The following DYNC2H1 variants were observed in gnomAD, a reference collection of about 807,000 sequenced individuals.
DYNC2H1 encodes the protein cytoplasmic dynein 2 heavy chain 1.
In DYNC2H1, 410 loss-of-function variants were observed where a neutral mutation model predicts 570.0. The ratio of observed to expected loss-of-function variants is 0.72; its 90% CI spans 0.66 to 0.78. The LOEUF is 0.78. Ranked by LOEUF, DYNC2H1 falls within the 30% of genes least tolerant of loss-of-function variation. The pLI is 0.00. For synonymous variants in DYNC2H1, 1,688 were observed against 1,677.6 expected (o/e 1.01, Z -0.15); for missense variants, 4,865 against 5,046.4 (o/e 0.96, Z 1.09).
intron 87 of DYNC2H1, among the ~76,000 whole-genome samples, chr11:103,462,417 T>G (rs1256183749): frequency 6.6e-6 from 1 of 152,192 alleles, no homozygotes; most frequent in East Asian, 1.9e-4. Context: ...TTAGTCATGC[T>G]AACATTGATT....
Position 103,461,900 on chromosome 11 carries a change from C to T in DYNC2H1, c.12648+5544C>T, listed in dbSNP as rs1341632168. 4.0e-5 allele frequency among the ~76,000 whole-genome samples: 6 copies of T among 151,618 alleles called. No individual in the cohort carries two copies. The South Asian group carries it at 1.3e-3, about 32-fold the overall frequency. ...ATTTCAGACATCATTTTATTTTACC[C>T]CTCTATGGTTCTGAATGTGTTTCTT... On this transcript the variant is annotated intron_variant, in intron 87 of 88. Transcript: ENST00000375735. The surrounding 1 kb of genome is among the most constrained non-coding windows in gnomAD (Gnocchi z 4.8).
At chr11:103,400,169 G>C (rs1367221547) in intron 84 of DYNC2H1, among the ~76,000 whole-genome samples, 1 of 152,112 alleles carries the variant, frequency 6.6e-6, no homozygotes, top group Admixed American at 6.5e-5. Context: ...CCCTATACAT[G>C]AGCTTGAGTT....
chr11:103,182,623 T>A (rs1298318264), intron 40 of DYNC2H1, among the ~76,000 whole-genome samples: 1 of 151,826 alleles, frequency 6.6e-6, no homozygotes, highest in African/African-American at 2.4e-5. Flanking sequence ...GAGATCACAT[T>A]TGATTTTGGA....
intron 82 of DYNC2H1, among the ~76,000 whole-genome samples, chr11:103,337,886 G>C (rs1939229209): frequency 6.6e-6 from 1 of 152,088 alleles, no homozygotes; most frequent in Non-Finnish European, 1.5e-5. Flanking sequence ...AGCTTGACAT[G>C]ATCCCATTTG....
At chr11:103,255,567 G>T (rs633970) in intron 67 of DYNC2H1, 33 bp downstream of exon 67, 2 of 1,492,130 alleles carry the variant, frequency 1.3e-6, no homozygotes, top group African/African-American at 1.5e-5. Context: ...TACTTTTTTC[G>T]TATTACTTTT....
chr11:103,390,398 C>G (rs7938128), intron 83 of DYNC2H1, among the ~76,000 whole-genome samples: 1 of 150,300 alleles, frequency 6.7e-6, no homozygotes, highest in East Asian at 1.9e-4. Flanking sequence ...TGTCTCTGCA[C>G]ATGAGATGGG....
intron 63 of DYNC2H1, among the ~76,000 whole-genome samples, chr11:103,238,096 A>G (rs1311899386): frequency 6.6e-6 from 1 of 152,190 alleles, no homozygotes; most frequent in Non-Finnish European, 1.5e-5. Context: ...TAGATTTAAA[A>G]TTAGTTGTAG....
In DYNC2H1 at chr11:103,244,871, TAC is replaced by T. The variant is rs1350604183; in HGVS notation, c.9919-372_9919-371del. Among the ~76,000 whole-genome samples, 3 of 150,976 alleles carry T rather than the reference TAC, an allele frequency of 2.0e-5. No homozygotes were observed. The highest frequency in any genetic ancestry group is 4.4e-5 in the Non-Finnish European group (3 of 67,614). On this transcript the variant is annotated intron_variant, in intron 64 of 88. Coordinates refer to ENST00000375735, the MANE Select transcript of DYNC2H1 (RefSeq NM_001377.3). This position sits in a 1 kb window ranked among gnomAD's most constrained non-coding sequence, Gnocchi z 4.3. ...ATATGTACACACACACATATATATATACACACACATACCACACATACACACAC... is the reference window on the plus strand; with the variant it reads ...ATATGTACACACACACATATATATATACACACATACCACACATACACACAC...
intron 82 of DYNC2H1, among the ~76,000 whole-genome samples, chr11:103,342,305 A>G (rs2897971): frequency 0.22 from 32,836 of 151,850 alleles, 3,666 homozygotes; most frequent in Admixed American, 0.31. Flanking sequence ...TGGACCAATC[A>G]GCACCCTATA....
Position 103,348,756 on chromosome 11 carries a change from C to T in DYNC2H1, c.12040-9487C>T, listed in dbSNP as rs144255866. On this transcript the variant is annotated intron_variant, in intron 82 of 88. Coordinates refer to ENST00000375735, the MANE Select transcript of DYNC2H1 (RefSeq NM_001377.3). ...CTCTGATATGGTTTGGCTGTGCCCT[C>T]ACCCAAATCTCATCTTGAATTCTAG... 1.3e-3 allele frequency among the ~76,000 whole-genome samples: 193 copies of T among 152,290 alleles called. 2 individuals are homozygous for T. The East Asian group carries it at 0.034, about 27-fold the overall frequency.
At chr11:103,128,353 G>A (rs890577511) in intron 12 of DYNC2H1, among the ~76,000 whole-genome samples, 1 of 152,204 alleles carries the variant, frequency 6.6e-6, no homozygotes, top group Non-Finnish European at 1.5e-5. Flanking sequence ...GAAATCTGTT[G>A]CACTGGCCTT....
intron 78 of DYNC2H1, among the ~76,000 whole-genome samples, chr11:103,311,140 G>T (rs939112828): frequency 2.0e-5 from 3 of 152,118 alleles, no homozygotes; most frequent in Admixed American, 2.0e-4. Flanking sequence ...CATTTTGGAA[G>T]AAATATTTTA....
rs598845 is a variant in DYNC2H1, at chr11:103,283,134, A to G, written c.10890+49A>G. On this transcript the variant is annotated intron_variant, in intron 73 of 88. Transcript: ENST00000375735. Reference sequence around the variant, plus strand: ...ATGTTTTAATTTCTTCTGTATTTGCATTGTTTCTGTTGATACTTTGTGCTC... The same window carrying G: ...ATGTTTTAATTTCTTCTGTATTTGCGTTGTTTCTGTTGATACTTTGTGCTC... The G allele has an allele frequency of 0.085, 123,541 of 1,450,828 alleles. 6,376 individuals are homozygous for G. The highest frequency in any genetic ancestry group is 0.19 in the East Asian group (8,095 of 42,994). The allele number at this position is 1,450,828 out of a possible 1,614,324, so 89.9% of individuals were successfully genotyped here.
chr11:103,128,664 G>A (rs543626697), intron 12 of DYNC2H1, among the ~76,000 whole-genome samples: 3 of 152,140 alleles, frequency 2.0e-5, no homozygotes, highest in African/African-American at 7.2e-5. Context: ...TCTTGATTCC[G>A]GACAACGTTT....
chr11:103,211,841 A>T lies in DYNC2H1; in HGVS notation c.8592A>T (p.Ala2864=), dbSNP rs1259623515. ...SFLLIHESCK[A]YGATPSRYMT... The stretch of plus-strand genomic sequence containing the variant: ...TATTAATCCATGAATCTTGTAAAGC[A>T]TATGGTGCTACACCAAGCCGATACA... The change falls in exon 54 of 89, where the codon GCA becomes GCT. Residue 2864 remains alanine (A), a synonymous_variant. Coordinates refer to ENST00000375735, the MANE Select transcript of DYNC2H1 (RefSeq NM_001377.3). 2.0e-6 allele frequency: 3 copies of T among 1,478,242 alleles called. No individual in the cohort carries two copies. In the South Asian group the frequency reaches 4.5e-5, roughly 22 times the overall value. The allele number at this position is 1,478,242 out of a possible 1,614,324, so 91.6% of individuals were successfully genotyped here.
chr11:103,270,082 A>G (rs1865643584), intron 70 of DYNC2H1, among the ~76,000 whole-genome samples: 1 of 151,462 alleles, frequency 6.6e-6, no homozygotes, highest in Non-Finnish European at 1.5e-5. Context: ...AATCCCACCT[A>G]CTCTGGAGAC....
At chr11:103,213,329 G>T (rs1315062101) in intron 54 of DYNC2H1, among the ~76,000 whole-genome samples, 1 of 152,080 alleles carries the variant, frequency 6.6e-6, no homozygotes, top group Non-Finnish European at 1.5e-5. Context: ...ATTAGAAAAG[G>T]TTTAGTGAGT....
chr11:103,382,891 T>C (rs779248649), intron 83 of DYNC2H1, among the ~76,000 whole-genome samples: 2 of 152,150 alleles, frequency 1.3e-5, no homozygotes, highest in Non-Finnish European at 2.9e-5. Flanking sequence ...ATATAGAGAA[T>C]TGGTAACACA....
chr11:103,203,674 G>T lies in DYNC2H1; in HGVS notation c.8209G>T (p.Gly2737Ter). ...NSLLSSGEVP[G>*]LYTLEELEPL... Reference sequence around the variant, plus strand: ...ATATTTTTCTGTAGGTGAAGTTCCTGGACTCTATACTCTTGAAGAATTAGA... The same window carrying T: ...ATATTTTTCTGTAGGTGAAGTTCCTTGACTCTATACTCTTGAAGAATTAGA... Residue 2737 changes from glycine to a stop codon, truncating the protein, a stop_gained, in exon 51 of 89, where the codon GGA becomes TGA. Coordinates refer to ENST00000375735, the MANE Select transcript of DYNC2H1 (RefSeq NM_001377.3). LOFTEE classifies it high-confidence loss of function. The surrounding 1 kb of genome is among the most constrained non-coding windows in gnomAD (Gnocchi z 4.7). 1.9e-6 allele frequency: 3 copies of T among 1,602,154 alleles called. No individual in the cohort carries two copies. Among genetic ancestry groups the T allele is most frequent in the East Asian group, 2.2e-5 (1 of 44,624 alleles).
Sources: gnomAD v4.1 joint callset for allele counts (sites outside exome capture counted in the v4.1 genomes callset) on GRCh38, gnomAD v4.1.1 for gene constraint, Gnocchi (gnomAD v3.1) non-coding constraint, MANE v1.5 for transcripts, NCBI Gene and HGNC (gene_info 2026-07-23, HGNC 2026-07-21) for gene names.